HDAC4: variants seen among roughly 807,000 people sequenced by gnomAD.
HDAC4 encodes the protein histone deacetylase 4.
Under a neutral mutation model 135.1 loss-of-function variants are expected in HDAC4, and 16 were observed. The observed-to-expected ratio is 0.12, with a 90% CI of 0.08 to 0.18. The LOEUF is 0.18. Among genes scored for constraint, HDAC4 ranks in the 10% least tolerant of loss-of-function variants. The pLI is 1.00. For synonymous variants in HDAC4, 685 were observed against 653.4 expected (o/e 1.05, Z -0.74); for missense variants, 1,143 against 1,511.8 (o/e 0.76, Z 4.05).
intron 2 of HDAC4, among the ~76,000 whole-genome samples, chr2:239,243,125 A>G (rs2153194351): frequency 6.6e-6 from 1 of 152,048 alleles, no homozygotes; most frequent in South Asian, 2.1e-4. Context: ...CGTTATGAGC[A>G]TAAAATGAGA....
chr2:239,244,230 G>A (rs762260599), intron 2 of HDAC4, among the ~76,000 whole-genome samples: 5 of 152,194 alleles, frequency 3.3e-5, no homozygotes, highest in South Asian at 4.1e-4. Flanking sequence ...CTTGGTTCTC[G>A]TGTCTGGGGC....
At chr2:239,080,964 C>T in intron 22 of HDAC4, 131 bp downstream of exon 22, 1 of 676,410 alleles carries the variant, frequency 1.5e-6, no homozygotes, top group Non-Finnish European at 2.6e-6. Flanking sequence ...GAGACAGCTC[C>T]TCCGGACCCC....
At chr2:239,395,696 C>T (rs560540802) in intron 1 of HDAC4, among the ~76,000 whole-genome samples, 2 of 152,278 alleles carry the variant, frequency 1.3e-5, no homozygotes, top group African/African-American at 2.4e-5. Flanking sequence ...CTCCAGACCC[C>T]GCCTTTCCCT....
chr2:239,371,948 C>A (rs1694653094), intron 1 of HDAC4, among the ~76,000 whole-genome samples: 1 of 152,214 alleles, frequency 6.6e-6, no homozygotes, highest in Non-Finnish European at 1.5e-5. Flanking sequence ...TCAACAATGC[C>A]CCACAAACAT....
At chr2:239,396,116 A>G (rs1176780886) in intron 1 of HDAC4, among the ~76,000 whole-genome samples, 1 of 150,582 alleles carries the variant, frequency 6.6e-6, no homozygotes, top group Admixed American at 6.6e-5. Context: ...AATGGGGACT[A>G]CAGGCACACG....
At chr2:239,346,952 G>A (rs866370154) in intron 2 of HDAC4, among the ~76,000 whole-genome samples, 3 of 113,856 alleles carry the variant, frequency 2.6e-5, no homozygotes, top group Non-Finnish European at 5.6e-5. Context: ...CATACACATT[G>A]TGTCTAAAAC....
At chr2:239,395,896 G>T (rs1037273181) in intron 1 of HDAC4, among the ~76,000 whole-genome samples, 1 of 152,182 alleles carries the variant, frequency 6.6e-6, no homozygotes, top group Non-Finnish European at 1.5e-5. Flanking sequence ...AAGGAGAATG[G>T]CATTTAAGAT....
At chr2:239,100,121 G>C (rs2037480439) in intron 16 of HDAC4, among the ~76,000 whole-genome samples, 1 of 152,248 alleles carries the variant, frequency 6.6e-6, no homozygotes, top group African/African-American at 2.4e-5. Flanking sequence ...CTCCCTAAGA[G>C]GGTCTTTCTT....
intron 2 of HDAC4, among the ~76,000 whole-genome samples, chr2:239,267,699 C>T (rs2049825210): frequency 6.6e-6 from 1 of 152,268 alleles, no homozygotes; most frequent in Non-Finnish European, 1.5e-5. Flanking sequence ...TTCTACACGG[C>T]AATGGGGACT....
chr2:239,120,368 CATATACCCGCAGAG>C (rs2039534335), intron 12 of HDAC4, among the ~76,000 whole-genome samples: 1 of 118,086 alleles, frequency 8.5e-6, no homozygotes, highest in Admixed American at 8.3e-5. Flanking sequence ...CACACAGATA[CATATACCCGCAGAG>C]GCACACACAG....
chr2:239,118,873 G>A (rs1467317687), intron 12 of HDAC4, among the ~76,000 whole-genome samples: 1 of 152,174 alleles, frequency 6.6e-6, no homozygotes, highest in African/African-American at 2.4e-5. Context: ...TGATTTTGAG[G>A]TCTGTGATTG....
intron 16 of HDAC4, among the ~76,000 whole-genome samples, chr2:239,098,493 A>T (rs1038653581): frequency 3.9e-5 from 6 of 152,228 alleles, no homozygotes; most frequent in Non-Finnish European, 7.3e-5. Context: ...CCCACTCGCC[A>T]GGGGCCCAGC....
intron 14 of HDAC4, among the ~76,000 whole-genome samples, chr2:239,110,561 A>G (rs1392814513): frequency 6.6e-6 from 1 of 152,088 alleles, no homozygotes; most frequent in Non-Finnish European, 1.5e-5. Flanking sequence ...CTGGATACCT[A>G]CTCTGGAAAT....
chr2:239,254,716 A>C (rs1039560674), intron 2 of HDAC4, among the ~76,000 whole-genome samples: 1 of 152,156 alleles, frequency 6.6e-6, no homozygotes, highest in African/African-American at 2.4e-5. Context: ...AAAATGTACA[A>C]ATGCAGTATT....
Position 239,176,486 on chromosome 2 carries a change from C to T in HDAC4, c.417G>A (p.Gln139=). ...EHQRKLERHR[Q]EQELEKQHRE... ...GGTGCTGCTTCTCCAGCTCCTGCTC[C>T]TGGCGGTGCCTCTCCAGCTTCCGCT... The change falls in exon 5 of 27, where the codon CAG becomes CAA. Residue 139 remains glutamine (Q), a synonymous_variant. Transcript: ENST00000543185. 6.2e-7 allele frequency: 1 copy of T among 1,613,578 alleles called. No individual in the cohort carries two copies. Among genetic ancestry groups the T allele is most frequent in the Non-Finnish European group, 8.5e-7 (1 of 1,179,848 alleles).
chr2:239,135,216 G>A (rs1297871684), intron 9 of HDAC4, among the ~76,000 whole-genome samples: 3 of 152,110 alleles, frequency 2.0e-5, no homozygotes, highest in African/African-American at 4.8e-5. Flanking sequence ...AACATCTCAT[G>A]TACCCCACAA....
chr2:239,129,630 C>A (rs1012410584), intron 11 of HDAC4, among the ~76,000 whole-genome samples: 1 of 152,224 alleles, frequency 6.6e-6, no homozygotes, highest in African/African-American at 2.4e-5. Context: ...CTGACCCTGG[C>A]TCCTGGTGCT....
chr2:239,120,514 G>A, intron 12 of HDAC4, among the ~76,000 whole-genome samples: 1 of 150,280 alleles, frequency 6.7e-6, no homozygotes, highest in East Asian at 2.0e-4. Flanking sequence ...CAGGCACACA[G>A]AGACAAGGAG....
At chr2:239,198,519 G>A (rs897289230) in intron 3 of HDAC4, among the ~76,000 whole-genome samples, 37 of 152,348 alleles carry the variant, frequency 2.4e-4, no homozygotes, top group African/African-American at 8.7e-4. Flanking sequence ...TCTTGCTGCA[G>A]TACCCACATC....
Sources: allele counts gnomAD v4.1 joint callset (sites outside exome capture counted in the v4.1 genomes callset), GRCh38; gene constraint gnomAD v4.1.1; transcripts MANE v1.5; gene names NCBI Gene and HGNC (gene_info 2026-07-23, HGNC 2026-07-21).